Variants in DIS3L2 observed in about 807,000 individuals in gnomAD.
The protein encoded by DIS3L2 is DIS3-like exonuclease 2.
In DIS3L2, 34 loss-of-function variants were observed where a neutral mutation model predicts 97.5. The observed-to-expected ratio is 0.35, with a 90% CI of 0.27 to 0.46. The LOEUF (loss-of-function observed/expected upper bound fraction) is 0.46, where lower values mean the gene tolerates loss of function less well. Among genes scored for constraint, DIS3L2 ranks in the 20% least tolerant of loss-of-function variants. The pLI, the probability that DIS3L2 is intolerant of heterozygous loss-of-function variation, is 1.00. For missense variants in DIS3L2, 1,038 were observed against 1,146.0 expected, an observed-to-expected ratio of 0.91 and a Z score of 1.36; for synonymous variants, 435 against 445.2, an observed-to-expected ratio of 0.98 and a Z score of 0.29.
chr2:232,022,683 C>G (rs769717149), intron 3 of DIS3L2, among the ~76,000 whole-genome samples: 1 of 152,232 alleles, frequency 6.6e-6, no homozygotes, highest in Non-Finnish European at 1.5e-5. Flanking sequence ...GTCTCTTCCC[C>G]TCACGAGACT....
chr2:232,172,592 T>C, intron 9 of DIS3L2: 1 of 456,850 alleles, frequency 2.2e-6, no homozygotes, highest in Non-Finnish European at 4.7e-6. Context: ...ATAATGCTGC[T>C]ATGAATATTT....
chr2:232,166,078 A>ATAAATAAAT (rs1479402480), intron 9 of DIS3L2, among the ~76,000 whole-genome samples: 3 of 133,638 alleles, frequency 2.2e-5, no homozygotes, highest in Non-Finnish European at 4.7e-5. Flanking sequence ...TCTACAATAA[A>ATAAATAAAT]TAAATAAATA....
intron 13 of DIS3L2, among the ~76,000 whole-genome samples, chr2:232,271,927 T>A (rs1694016724): frequency 6.6e-6 from 1 of 152,226 alleles, no homozygotes. Flanking sequence ...TCCCAAGGCA[T>A]GAACAATAGA....
intron 1 of DIS3L2, among the ~76,000 whole-genome samples, chr2:231,979,344 T>G (rs2106175775): frequency 6.6e-6 from 1 of 152,258 alleles, no homozygotes; most frequent in East Asian, 1.9e-4. Flanking sequence ...AGCCTTGACC[T>G]CCTGGGCTCA....
In DIS3L2 at chr2:232,081,524, CT is replaced by C. The variant is rs140469480; in HGVS notation, c.367-5961del. On this transcript the variant is annotated intron_variant, in intron 5 of 20. Coordinates refer to ENST00000325385, the MANE Select transcript of DIS3L2 (RefSeq NM_152383.5). ...TTTCTTAATTTAATTAGCTGAAACA[CT>C]TGTATAAAGAAAAACTTTACCTCAT... 6.8e-3 allele frequency among the ~76,000 whole-genome samples: 1,033 copies of C among 151,770 alleles called. 11 individuals carry two copies. Among genetic ancestry groups the C allele is most frequent in the African/African-American group, 0.023 (961 of 41,352 alleles).
At chr2:232,018,443 A>G (rs1694417215) in intron 3 of DIS3L2, among the ~76,000 whole-genome samples, 1 of 152,188 alleles carries the variant, frequency 6.6e-6, no homozygotes, top group African/African-American at 2.4e-5. Flanking sequence ...ACCGTGTGAA[A>G]TATACAACAC....
chr2:231,992,529 A>G (rs577555858), intron 1 of DIS3L2, among the ~76,000 whole-genome samples: 2 of 152,288 alleles, frequency 1.3e-5, no homozygotes, highest in Admixed American at 6.5e-5. Context: ...TTCCCGCTTC[A>G]TGGCTAAATT....
At chr2:231,996,171 A>G (rs1272162031) in intron 1 of DIS3L2, among the ~76,000 whole-genome samples, 1 of 152,276 alleles carries the variant, frequency 6.6e-6, no homozygotes, top group Non-Finnish European at 1.5e-5. Flanking sequence ...GAGTAATCCC[A>G]TGGAATTGGG....
chr2:232,148,030 T>C lies in DIS3L2; in HGVS notation c.950+11311T>C, dbSNP rs573761266. On this transcript the variant is annotated intron_variant, in intron 8 of 20. Transcript: ENST00000325385. ...TCCTCTCCTCTCCTCTCCTCTCTTCTCCTGTCCCCTCCCCTCCCCTCCCCT... is the reference window on the plus strand; with the variant it reads ...TCCTCTCCTCTCCTCTCCTCTCTTCCCCTGTCCCCTCCCCTCCCCTCCCCT... Among the ~76,000 whole-genome samples, 633 of 124,730 alleles carry C rather than the reference T, an allele frequency of 5.1e-3. 13 individuals are homozygous for C. The highest frequency in any genetic ancestry group is 0.018 in the African/African-American group (598 of 33,094). The allele number at this position is 124,730 out of a possible 152,430, so 81.8% of individuals were successfully genotyped here.
At chr2:232,231,159 A>G (rs1031349689) in intron 10 of DIS3L2, among the ~76,000 whole-genome samples, 2 of 152,198 alleles carry the variant, frequency 1.3e-5, no homozygotes, top group Admixed American at 1.3e-4. Flanking sequence ...CTAGACTGGA[A>G]GCTTGACATG....
chr2:232,305,559 A>T (rs779467699), intron 14 of DIS3L2, among the ~76,000 whole-genome samples: 1 of 151,924 alleles, frequency 6.6e-6, no homozygotes, highest in Admixed American at 6.6e-5. Flanking sequence ...TTATTTGAAG[A>T]GTTTTAGTTC....
At chr2:231,969,309 C>CTT (rs149580697) in intron 1 of DIS3L2, among the ~76,000 whole-genome samples, 60 of 137,068 alleles carry the variant, frequency 4.4e-4, no homozygotes, top group South Asian at 9.5e-4. Flanking sequence ...AGTCCTAGAC[C>CTT]TTTTTTTTTT....
intron 9 of DIS3L2, among the ~76,000 whole-genome samples, chr2:232,189,135 G>A (rs1299201851): frequency 6.6e-6 from 1 of 152,202 alleles, no homozygotes; most frequent in East Asian, 1.9e-4. Flanking sequence ...AACGTTGCCG[G>A]TGGAAATGTA....
chr2:232,236,905 C>T (rs753380331), intron 10 of DIS3L2, among the ~76,000 whole-genome samples: 1 of 152,098 alleles, frequency 6.6e-6, no homozygotes, highest in Non-Finnish European at 1.5e-5. Flanking sequence ...GTGTGTGCCA[C>T]CACACCTGGC....
intron 14 of DIS3L2, chr2:232,329,539 C>T: frequency 5.1e-6 from 2 of 392,860 alleles, no homozygotes; most frequent in Non-Finnish European, 9.0e-6. Flanking sequence ...TGGGTGCTTC[C>T]CTGCTCTCCA....
intron 5 of DIS3L2, among the ~76,000 whole-genome samples, chr2:232,049,678 G>T (rs922430734): frequency 6.6e-6 from 1 of 152,156 alleles, no homozygotes; most frequent in Non-Finnish European, 1.5e-5. Flanking sequence ...ATAATTAAAA[G>T]AGATCAAATT....
chr2:232,288,095 G>A (rs1694495004), intron 13 of DIS3L2, among the ~76,000 whole-genome samples: 1 of 152,118 alleles, frequency 6.6e-6, no homozygotes, highest in South Asian at 2.1e-4. Flanking sequence ...GAGCAGGGGA[G>A]CAGGCAGCTG....
chr2:232,197,701 G>A (rs1466539104), intron 9 of DIS3L2, among the ~76,000 whole-genome samples: 1 of 152,164 alleles, frequency 6.6e-6, no homozygotes, highest in Non-Finnish European at 1.5e-5. Context: ...GGGCGCGGTG[G>A]CTCAAGCCTG....
intron 1 of DIS3L2, among the ~76,000 whole-genome samples, chr2:231,993,537 G>A (rs904722670): frequency 6.6e-6 from 1 of 152,088 alleles, no homozygotes; most frequent in African/African-American, 2.4e-5. Context: ...TTCTTTATCA[G>A]TAATCCTTGA....
Sources: gnomAD v4.1 joint callset for allele counts (sites outside exome capture counted in the v4.1 genomes callset) on GRCh38, gnomAD v4.1.1 for gene constraint, MANE v1.5 for transcripts, NCBI Gene and HGNC (gene_info 2026-07-23, HGNC 2026-07-21) for gene names.